The following SMC1B variants were observed in gnomAD, a reference collection of about 807,000 sequenced individuals.
The protein encoded by SMC1B is structural maintenance of chromosomes 1B.
A neutral mutation model predicts 157.9 loss-of-function variants in SMC1B; 60 were observed. That is an observed-to-expected ratio of 0.38 (90% CI 0.31 to 0.47). The LOEUF is 0.47. Among genes scored for constraint, SMC1B ranks in the 20% least tolerant of loss-of-function variants. The pLI is 0.99. For synonymous variants in SMC1B, 445 were observed against 483.0 expected (o/e 0.92, Z 1.03); for missense variants, 1,165 against 1,426.2 (o/e 0.82, Z 2.95).
chr22:45,390,245 A>G (rs2146826480), intron 9 of SMC1B, among the ~76,000 whole-genome samples: 1 of 152,100 alleles, frequency 6.6e-6, no homozygotes, highest in South Asian at 2.1e-4. Flanking sequence ...TAGATACTGG[A>G]TAAAACATAA....
chr22:45,368,861 C>T (rs1024204386), intron 15 of SMC1B, among the ~76,000 whole-genome samples: 1 of 152,162 alleles, frequency 6.6e-6, no homozygotes, highest in African/African-American at 2.4e-5. Flanking sequence ...ACATTAAACA[C>T]TGAAGTTACA....
rs1170574072 is a variant in SMC1B at position 45,361,888 on chromosome 22, C to T, written c.2659G>A (p.Val887Ile). 8 of 1,614,132 alleles carry T rather than the reference C, an allele frequency of 5.0e-6. No individual in the cohort carries two copies. The highest frequency in any genetic ancestry group is 4.4e-5 in the South Asian group (4 of 91,070). ...RVTQNSSAEKVQTQIEEERKK... is the reference protein window; with the variant it reads ...RVTQNSSAEKIQTQIEEERKK... ...CGTTCCTCTTCAATTTGAGTTTGAA[C>T]TTTCTCGGCACTGGAGTTCTGAGTG... The change falls in exon 17 of 25, where the codon GTT (valine) becomes ATT (isoleucine). Residue 887 changes from valine (V) to isoleucine (I), a missense_variant. Transcript: ENST00000357450.
Position 45,389,880 on chromosome 22 carries a change from G to A in SMC1B, c.1563C>T (p.Asp521=). 1 of 1,613,450 alleles carries A rather than the reference G, an allele frequency of 6.2e-7. No homozygotes were observed. The highest frequency in any genetic ancestry group is 8.5e-7 in the Non-Finnish European group (1 of 1,179,822). ...YPDSVFGRLF[D]LCHPIHKKYQ... ...ATTTCTTATGAATAGGATGACACAG[G>A]TCAAATAGTCTTCCAAACTTAGCAG... The change falls in exon 10 of 25, where the codon GAC becomes GAT. Residue 521 remains aspartate (D), a synonymous_variant. Coordinates refer to ENST00000357450, the MANE Select transcript of SMC1B (RefSeq NM_148674.5).
chr22:45,362,025 A>T (rs1365645133), intron 16 of SMC1B, 41 bp from the exon 17 acceptor site: 1 of 1,583,344 alleles, frequency 6.3e-7, no homozygotes, highest in South Asian at 1.2e-5. Context: ...ACTATCTTTT[A>T]TATTAATAAG....
At chr22:45,409,663 T>C (rs1283925185) in intron 1 of SMC1B, among the ~76,000 whole-genome samples, 1 of 152,090 alleles carries the variant, frequency 6.6e-6, no homozygotes, top group Non-Finnish European at 1.5e-5. Context: ...TAAAATTGTT[T>C]GATTGGTATG....
chr22:45,393,324 G>A (rs2087083497), intron 9 of SMC1B, among the ~76,000 whole-genome samples: 1 of 152,108 alleles, frequency 6.6e-6, no homozygotes, highest in Admixed American at 6.5e-5. Flanking sequence ...TGTCTGGGTG[G>A]CTCAGAGTAC....
chr22:45,396,117 G>T (rs1327963322), intron 7 of SMC1B, among the ~76,000 whole-genome samples: 1 of 152,090 alleles, frequency 6.6e-6, no homozygotes, highest in Admixed American at 6.5e-5. Context: ...AGTAATTCCT[G>T]CTATGTTACC....
chr22:45,363,895 C>T (rs768226852), intron 15 of SMC1B, among the ~76,000 whole-genome samples: 2 of 151,302 alleles, frequency 1.3e-5, no homozygotes, highest in Non-Finnish European at 2.9e-5. Flanking sequence ...GTTGCTCAGG[C>T]TGGAATGCAG....
At chr22:45,377,531 G>A (rs938094623) in intron 12 of SMC1B, among the ~76,000 whole-genome samples, 8 of 151,638 alleles carry the variant, frequency 5.3e-5, no homozygotes, top group Non-Finnish European at 8.8e-5. Flanking sequence ...CCAGCTACTC[G>A]GCAGGCTGAG....
At chr22:45,359,627 CAT>C (rs2086701653) in intron 18 of SMC1B, among the ~76,000 whole-genome samples, 176 bp downstream of exon 18, 1 of 152,158 alleles carries the variant, frequency 6.6e-6, no homozygotes, top group African/African-American at 2.4e-5. Flanking sequence ...AGGTAAGAAA[CAT>C]GGGTTCATCC....
intron 24 of SMC1B, 101 bp downstream of exon 24, chr22:45,345,358 G>C (rs1230772091): frequency 3.2e-6 from 2 of 630,944 alleles, no homozygotes; most frequent in Admixed American, 2.8e-5. Context: ...TTCAGCATTA[G>C]ACTCCATTTG....
chr22:45,389,899 T>C lies in SMC1B; in HGVS notation c.1546-2A>G, dbSNP rs1602082662. ...ACACAGGTCAAATAGTCTTCCAAAC[T>C]TAGCAGGTTTCAAAAAAGGAGAGAA... is the stretch of plus-strand genomic sequence containing the variant. On this transcript the variant is annotated splice_acceptor_variant, in intron 9 of 24. Coordinates refer to ENST00000357450, the MANE Select transcript of SMC1B (RefSeq NM_148674.5). LOFTEE classifies it high-confidence loss of function. 1 of 1,609,532 alleles carries C rather than the reference T, an allele frequency of 6.2e-7. No individual in the cohort carries two copies.
intron 12 of SMC1B, among the ~76,000 whole-genome samples, chr22:45,373,808 G>A (rs570227514): frequency 5.1e-4 from 77 of 152,072 alleles, no homozygotes; most frequent in African/African-American, 1.6e-3. Context: ...AAATAATCTA[G>A]GTAAATGATT....
chr22:45,345,890 A>G (rs1024608804), intron 23 of SMC1B, among the ~76,000 whole-genome samples: 1 of 152,142 alleles, frequency 6.6e-6, no homozygotes, highest in Admixed American at 6.5e-5. Flanking sequence ...TTGAGGGTGA[A>G]AAAGGGCTGG....
At chr22:45,412,556 G>A (rs1373797642) in intron 1 of SMC1B, among the ~76,000 whole-genome samples, 1 of 141,694 alleles carries the variant, frequency 7.1e-6, no homozygotes, top group Non-Finnish European at 1.5e-5. Context: ...TGCCAGGCTG[G>A]AGTGCAATGG....
intron 22 of SMC1B, among the ~76,000 whole-genome samples, chr22:45,352,193 C>G (rs5765274): frequency 6.7e-6 from 1 of 150,102 alleles, no homozygotes; most frequent in South Asian, 2.2e-4. Context: ...TGAGCCTAGC[C>G]TAAGCAACAT....
At chr22:45,408,630 A>T in intron 2 of SMC1B, 80 bp downstream of exon 2, 2 of 944,448 alleles carry the variant, frequency 2.1e-6, no homozygotes, top group Non-Finnish European at 3.2e-6. Context: ...ATAATAAACC[A>T]TACCCTCCAA....
chr22:45,408,823 T>C lies in SMC1B; in HGVS notation c.185A>G (p.Gln62Arg). 6.3e-7 allele frequency: 1 copy of C among 1,575,066 alleles called. No individual in the cohort carries two copies. The highest frequency in any genetic ancestry group is 1.2e-5 in the South Asian group (1 of 84,402). Residue 62 changes from glutamine to arginine, a missense_variant, in exon 2 of 25, where the codon CAA (glutamine) becomes CGA (arginine). Gln to Arg is a conservative substitution (Grantham distance 43). Coordinates refer to ENST00000357450, the MANE Select transcript of SMC1B (RefSeq NM_148674.5). ...KIANLRVKNI[Q>R]ELIHGAHIGK... ...AATATGTGCTCCATGAATGAGTTCT[T>C]GAATATTTTTCACTCTTAAATTAGC...
chr22:45,360,658 G>T (rs2086712790), intron 17 of SMC1B, among the ~76,000 whole-genome samples: 1 of 151,444 alleles, frequency 6.6e-6, no homozygotes, highest in South Asian at 2.1e-4. Flanking sequence ...AAAAATGGAA[G>T]AATGTGTTCT....
Sources: gnomAD v4.1 joint callset for allele counts (sites outside exome capture counted in the v4.1 genomes callset) on GRCh38, gnomAD v4.1.1 for gene constraint, MANE v1.5 for transcripts, NCBI Gene and HGNC (gene_info 2026-07-23, HGNC 2026-07-21) for gene names.